The following AUTS2 variants were observed in gnomAD, a reference collection of about 807,000 sequenced individuals.
AUTS2 encodes activator of transcription and developmental regulator AUTS2.
In AUTS2, 17 loss-of-function variants were observed where a neutral mutation model predicts 112.4. The ratio of observed to expected loss-of-function variants is 0.15; its 90% CI spans 0.10 to 0.23. The LOEUF is 0.23. AUTS2 is among the 10% of genes least tolerant of loss of function. The pLI, the probability that AUTS2 is intolerant of heterozygous loss-of-function variation, is 1.00. For missense variants in AUTS2, 1,510 were observed against 1,701.6 expected, an observed-to-expected ratio of 0.89 and a Z score of 1.98; for synonymous variants, 751 against 702.7, an observed-to-expected ratio of 1.07 and a Z score of -1.09.
chr7:70,246,658 G>C (rs1047593711), intron 4 of AUTS2, among the ~76,000 whole-genome samples: 2 of 151,580 alleles, frequency 1.3e-5, no homozygotes, highest in Admixed American at 1.3e-4. Context: ...TATTTTTCAG[G>C]TACACATTGG....
intron 2 of AUTS2, among the ~76,000 whole-genome samples, chr7:70,020,997 C>CT (rs1006825630): frequency 1.8e-4 from 27 of 150,952 alleles, no homozygotes; most frequent in East Asian, 1.4e-3. Flanking sequence ...CTTTTCTTTT[C>CT]TTTTTTTTTG....
rs774769338 is a variant in AUTS2, at chr7:70,260,259, G to A, written c.660+125688G>A. The stretch of plus-strand genomic sequence containing the variant: ...TGCGCACCTGTGGTCCCAGCTACTC[G>A]GGAGGCTGAGACAGGAGAATTATGT... On this transcript the variant is annotated intron_variant, in intron 4 of 18. Transcript: ENST00000342771. Among the ~76,000 whole-genome samples, 36 of 152,016 alleles carry A rather than the reference G, an allele frequency of 2.4e-4. 2 individuals carry two copies. Among genetic ancestry groups the A allele is most frequent in the Non-Finnish European group, 4.4e-4 (30 of 67,966 alleles).
intron 4 of AUTS2, among the ~76,000 whole-genome samples, chr7:70,216,956 C>T (rs769104357): frequency 6.6e-6 from 1 of 152,150 alleles, no homozygotes; most frequent in African/African-American, 2.4e-5. Flanking sequence ...GTCACCCAGG[C>T]TGGAGTGCAG....
At chr7:70,362,493 T>G (rs989068607) in intron 4 of AUTS2, among the ~76,000 whole-genome samples, 3 of 152,130 alleles carry the variant, frequency 2.0e-5, no homozygotes, top group African/African-American at 7.2e-5. Flanking sequence ...CCCGGGAAAG[T>G]GAAACATTCC....
chr7:70,791,886 T>A lies in AUTS2; in HGVS notation c.*890T>A, dbSNP rs571093717. ...GCAACCAGTGCCAGGGAGGGTGGGA[T>A]TTGCCAGATGCCAAAATCAGGGGAC... On this transcript the variant is annotated 3_prime_UTR_variant, in exon 19 of 19. Coordinates refer to ENST00000342771, the MANE Select transcript of AUTS2 (RefSeq NM_015570.4). 6 of 152,240 alleles carry A rather than the reference T, an allele frequency of 3.9e-5. No individual in the cohort carries two copies. In the East Asian group the frequency reaches 9.7e-4, roughly 25 times the overall value. 9.4% of individuals were successfully genotyped at this position (152,240 alleles called of 1,614,324 possible).
chr7:69,889,856 A>G (rs915361288), intron 1 of AUTS2, among the ~76,000 whole-genome samples: 1 of 151,984 alleles, frequency 6.6e-6, no homozygotes, highest in South Asian at 2.1e-4. Flanking sequence ...GTGTGGTGCT[A>G]GTTTCTCTTC....
At chr7:70,578,082 G>A (rs894793800) in intron 5 of AUTS2, among the ~76,000 whole-genome samples, 9 of 152,070 alleles carry the variant, frequency 5.9e-5, no homozygotes, top group Non-Finnish European at 8.8e-5. Context: ...TGCCCGCCTC[G>A]GCCTCTCAAA....
At chr7:70,010,060 C>T (rs1035013) in intron 2 of AUTS2, among the ~76,000 whole-genome samples, 55,573 of 152,018 alleles carry the variant, frequency 0.37, 10,725 homozygotes, top group African/African-American at 0.49. Context: ...TCTTCCCTGT[C>T]CCAAGTTATA....
At chr7:70,284,331 A>G (rs756254504) in intron 4 of AUTS2, among the ~76,000 whole-genome samples, 31 of 152,174 alleles carry the variant, frequency 2.0e-4, no homozygotes, top group Non-Finnish European at 3.4e-4. Context: ...CATGGCTGCC[A>G]TGTACTTTCT....
At chr7:70,556,322 A>G (rs1369564266) in intron 5 of AUTS2, among the ~76,000 whole-genome samples, 2 of 152,210 alleles carry the variant, frequency 1.3e-5, no homozygotes, top group African/African-American at 4.8e-5. Context: ...AGCATTGGCA[A>G]TTACATTTTT....
At position 70,354,668 on chromosome 7, in the gene AUTS2, C is replaced by T. The variant is rs113007311; in HGVS notation, c.661-81084C>T. Among the ~76,000 whole-genome samples, 46 of 152,254 alleles carry T rather than the reference C, an allele frequency of 3.0e-4. 3 individuals carry two copies. Among genetic ancestry groups the T allele is most frequent in the African/African-American group, 9.9e-4 (41 of 41,558 alleles). On this transcript the variant is annotated intron_variant, in intron 4 of 18. Coordinates refer to ENST00000342771, the MANE Select transcript of AUTS2 (RefSeq NM_015570.4). ...TCCCAGGCAGTGACTGTGACTCACA[C>T]GTGGCTACTGAGCACTTGAAATGGG...
intron 5 of AUTS2, among the ~76,000 whole-genome samples, chr7:70,576,768 T>C (rs1802188960): frequency 7.9e-6 from 1 of 126,116 alleles, no homozygotes; most frequent in African/African-American, 2.6e-5. Flanking sequence ...TTTCGTAATA[T>C]ATTAATAGAC....
chr7:70,055,025 T>A (rs1044845738), intron 2 of AUTS2, among the ~76,000 whole-genome samples: 1 of 152,202 alleles, frequency 6.6e-6, no homozygotes, highest in African/African-American at 2.4e-5. Flanking sequence ...TTAGGTACTT[T>A]TGCCTACTTC....
chr7:70,561,787 G>A (rs1030310729), intron 5 of AUTS2, among the ~76,000 whole-genome samples: 2 of 152,104 alleles, frequency 1.3e-5, no homozygotes, highest in African/African-American at 4.8e-5. Flanking sequence ...AATCCTTTCC[G>A]GGGGTCCTGC....
At position 70,790,803 on chromosome 7, in the gene AUTS2, G is replaced by T. The variant is rs1185348364; in HGVS notation, c.3587G>T (p.Arg1196Leu). 1.9e-6 allele frequency: 3 copies of T among 1,606,178 alleles called. No individual in the cohort carries two copies. In the East Asian group the frequency reaches 6.7e-5, roughly 36 times the overall value. Reference sequence around the variant, plus strand: ...GGACTCCCCAGCATGCACTATCCCCGCATCAGCCCCACCGCGGGCAACCAG... The same window carrying T: ...GGACTCCCCAGCATGCACTATCCCCTCATCAGCCCCACCGCGGGCAACCAG... The part of the protein sequence containing the change: ...TPGLPSMHYP[R>L]ISPTAGNQNG... Residue 1196 changes from arginine to leucine, a missense_variant, in exon 19 of 19, where the codon CGC becomes CTC. Transcript: ENST00000342771. The surrounding 1 kb of genome is among the most constrained non-coding windows in gnomAD (Gnocchi z 7.6).
chr7:70,496,508 C>T (rs1468523032), intron 5 of AUTS2, among the ~76,000 whole-genome samples: 2 of 126,130 alleles, frequency 1.6e-5, no homozygotes, highest in Non-Finnish European at 3.3e-5. Context: ...GTCACATCAG[C>T]GTCGATCACA....
intron 4 of AUTS2, among the ~76,000 whole-genome samples, chr7:70,377,374 A>ATATATATG (rs1793156874): frequency 3.9e-5 from 4 of 102,276 alleles, no homozygotes; most frequent in African/African-American, 1.4e-4. Context: ...ATATATATAT[A>ATATATATG]GTGATATATA....
intron 4 of AUTS2, among the ~76,000 whole-genome samples, chr7:70,400,596 G>A (rs1023043470): frequency 1.3e-5 from 2 of 152,126 alleles, no homozygotes; most frequent in Non-Finnish European, 2.9e-5. Context: ...CTGAAAAGTC[G>A]CCTGATGTGC....
At chr7:70,650,857 T>A (rs974936427) in intron 5 of AUTS2, among the ~76,000 whole-genome samples, 11 of 152,200 alleles carry the variant, frequency 7.2e-5, no homozygotes, top group Admixed American at 4.6e-4. Flanking sequence ...CCATGACAGT[T>A]AGACATAAAT....
Sources: allele counts gnomAD v4.1 joint callset (sites outside exome capture counted in the v4.1 genomes callset), GRCh38; gene constraint gnomAD v4.1.1; non-coding constraint Gnocchi (gnomAD v3.1); transcripts MANE v1.5; gene names NCBI Gene and HGNC (gene_info 2026-07-23, HGNC 2026-07-21).